INPP4A: variants seen among roughly 807,000 people sequenced by gnomAD.
INPP4A encodes inositol polyphosphate-4-phosphatase, type I, 107kD.
In INPP4A, 33 loss-of-function variants were observed where a neutral mutation model predicts 119.8. The ratio of observed to expected loss-of-function variants is 0.28; its 90% confidence interval spans 0.21 to 0.37. The LOEUF is 0.37. INPP4A is among the 10% of genes least tolerant of loss of function. The pLI is 1.00. For synonymous variants in INPP4A, 496 were observed against 500.7 expected (o/e 0.99, Z 0.12); for missense variants, 956 against 1,289.9 (o/e 0.74, Z 3.97).
At chr2:98,584,799 C>G (rs941718396) in intron 24 of INPP4A, among the ~76,000 whole-genome samples, 1 of 152,356 alleles carries the variant, frequency 6.6e-6, no homozygotes, top group Middle Eastern at 3.4e-3. Flanking sequence ...AGAAAAGAAA[C>G]TCAGTTGCTC....
chr2:98,588,826 T>C lies in INPP4A; in HGVS notation c.*1218T>C, dbSNP rs78634527. On this transcript the variant is annotated 3_prime_UTR_variant, in exon 25 of 25. Coordinates refer to ENST00000409851, the MANE Select transcript of INPP4A (RefSeq NM_001134225.2). ...TTTTATTGATTCTGTTTACGATGTT[T>C]ACATGTTCTTGAAAAGGTTGTAAAA... 3.7e-3 allele frequency: 816 copies of C among 219,212 alleles called. 6 individuals carry two copies. Among genetic ancestry groups the C allele is most frequent in the African/African-American group, 0.016 (732 of 44,652 alleles). The allele number at this position is 219,212 out of a possible 1,614,324, so 13.6% of individuals were successfully genotyped here.
intron 14 of INPP4A, among the ~76,000 whole-genome samples, chr2:98,553,217 CT>C (rs1360883792): frequency 6.6e-6 from 1 of 152,176 alleles, no homozygotes; most frequent in Non-Finnish European, 1.5e-5. Flanking sequence ...CACATGTGCC[CT>C]TCAGCAAGTC....
At chr2:98,555,165 G>A (rs1456737330) in intron 15 of INPP4A, among the ~76,000 whole-genome samples, 1 of 151,996 alleles carries the variant, frequency 6.6e-6, no homozygotes, top group Non-Finnish European at 1.5e-5. Flanking sequence ...CTCCCCTATC[G>A]AAATTTCTGT....
Position 98,566,555 on chromosome 2 carries a change from A to T in INPP4A, c.2420+386A>T, listed in dbSNP as rs1434167569. ...TTGGATGATGAGGTGGAGGGGAGACATGTCAGATTAAGAAGACTGAAGAAA... is the reference window on the plus strand; with the variant it reads ...TTGGATGATGAGGTGGAGGGGAGACTTGTCAGATTAAGAAGACTGAAGAAA... On this transcript the variant is annotated intron_variant, in intron 21 of 24. Transcript: ENST00000409851. This position sits in a 1 kb window ranked among gnomAD's most constrained non-coding sequence, Gnocchi z 4.2. Among the ~76,000 whole-genome samples, 1 of 152,154 alleles carries T rather than the reference A, an allele frequency of 6.6e-6. No individual in the cohort carries two copies. Among genetic ancestry groups the T allele is most frequent in the African/African-American group, 2.4e-5 (1 of 41,432 alleles).
rs1000722417 is a variant in INPP4A at position 98,589,640 on chromosome 2, T to G, written c.*2032T>G. 1.1e-5 allele frequency: 2 copies of G among 179,326 alleles called. No homozygotes were observed. The highest frequency in any genetic ancestry group is 2.4e-5 in the African/African-American group (1 of 42,326). The allele number at this position is 179,326 out of a possible 1,614,324, so 11.1% of individuals were successfully genotyped here. On this transcript the variant is annotated 3_prime_UTR_variant, in exon 25 of 25. Coordinates refer to ENST00000409851, the MANE Select transcript of INPP4A (RefSeq NM_001134225.2). ...GCTATAGAAAAGGTTCAGGTTTCAG[T>G]ATTCTCTCTGAAGGCATCATTCCTG...
chr2:98,557,842 C>G (rs1283319841), intron 16 of INPP4A, among the ~76,000 whole-genome samples: 1 of 152,230 alleles, frequency 6.6e-6, no homozygotes, highest in Non-Finnish European at 1.5e-5. Flanking sequence ...CTCCAAAAGT[C>G]TCCCATCCCC....
At chr2:98,524,846 G>A (rs1439618165) in intron 4 of INPP4A, among the ~76,000 whole-genome samples, 1 of 152,172 alleles carries the variant, frequency 6.6e-6, no homozygotes, top group East Asian at 1.9e-4. Context: ...CAAACTCAGG[G>A]TAGGCAAAGA....
intron 13 of INPP4A, among the ~76,000 whole-genome samples, chr2:98,552,243 G>T (rs1423980387): frequency 6.6e-6 from 1 of 152,220 alleles, no homozygotes; most frequent in African/African-American, 2.4e-5. Flanking sequence ...GGGACTTGCT[G>T]GGGTCAGACA....
chr2:98,465,083 T>C (rs1674464991), intron 1 of INPP4A, among the ~76,000 whole-genome samples: 1 of 152,224 alleles, frequency 6.6e-6, no homozygotes, highest in Non-Finnish European at 1.5e-5. Context: ...CCACTTCCCT[T>C]TTAATCCCTT....
chr2:98,558,594 T>C (rs1694902558), intron 16 of INPP4A, among the ~76,000 whole-genome samples: 1 of 152,180 alleles, frequency 6.6e-6, no homozygotes, highest in Non-Finnish European at 1.5e-5. Flanking sequence ...ATAAAGCTGG[T>C]TCTGGCTGTT....
intron 20 of INPP4A, 61 bp from the exon 21 acceptor site, chr2:98,565,968 T>G: frequency 1.2e-5 from 18 of 1,560,920 alleles, no homozygotes; most frequent in Non-Finnish European, 1.6e-5. Flanking sequence ...GCCTGGGCAC[T>G]GCAGCCTGCT....
intron 1 of INPP4A, among the ~76,000 whole-genome samples, chr2:98,488,839 G>A (rs890080877): frequency 9.2e-5 from 14 of 152,122 alleles, no homozygotes; most frequent in East Asian, 1.9e-4. Context: ...AGGGGGTGGA[G>A]TAGGGAGTGT....
rs113716489 is a variant in INPP4A, at chr2:98,548,173, G to A, written c.1163+1479G>A. Among the ~76,000 whole-genome samples, 578 of 152,290 alleles carry A rather than the reference G, an allele frequency of 3.8e-3. 7 individuals carry two copies. The highest frequency in any genetic ancestry group is 0.013 in the African/African-American group (556 of 41,554). Reference sequence around the variant, plus strand: ...CTGTGAGAAGTCACCATTCAGATACGTGCACAGGCTGCCTGGGTGGGCCCA... The same window carrying A: ...CTGTGAGAAGTCACCATTCAGATACATGCACAGGCTGCCTGGGTGGGCCCA... On this transcript the variant is annotated intron_variant, in intron 13 of 24. Transcript: ENST00000409851.
rs369138810 is a variant in INPP4A, at chr2:98,565,757, C to T, written c.2270C>T (p.Thr757Ile). ...TCCGCAGACATGCTGCCCGTCATCA[C>T]AGGAAATCGGTAGAGTGTTGGTTTA... Reference protein sequence around the residue: ...SASADMLPVITGNRDGFNVRV... With the variant: ...SASADMLPVIIGNRDGFNVRV... The change falls in exon 20 of 25, where the codon ACA becomes ATA. Residue 757 changes from threonine (T) to isoleucine (I), a missense_variant. Physicochemically the swap from Thr to Ile is moderately conservative, Grantham distance 89. This residue lies in a region of INPP4A where 304 missense variants were observed against 492.1 expected (regional missense o/e 0.62). Transcript: ENST00000409851. 25 of 1,611,792 alleles carry T rather than the reference C, an allele frequency of 1.6e-5. No homozygotes were observed. Among genetic ancestry groups the T allele is most frequent in the African/African-American group, 2.7e-5 (2 of 74,842 alleles).
chr2:98,452,885 T>G (rs1320136052), intron 1 of INPP4A, among the ~76,000 whole-genome samples: 1 of 152,142 alleles, frequency 6.6e-6, no homozygotes, highest in African/African-American at 2.4e-5. Flanking sequence ...ATTCCTGAAG[T>G]GTGTTCATTT....
At chr2:98,528,804 G>T (rs1281810769) in intron 4 of INPP4A, among the ~76,000 whole-genome samples, 6 of 152,150 alleles carry the variant, frequency 3.9e-5, no homozygotes, top group African/African-American at 1.2e-4. Flanking sequence ...TCGGCCAGGC[G>T]CAGTGGCTCA....
chr2:98,537,213 T>G (rs1690460298), intron 7 of INPP4A, among the ~76,000 whole-genome samples: 1 of 152,198 alleles, frequency 6.6e-6, no homozygotes, highest in South Asian at 2.1e-4. Context: ...TAGAACCTGA[T>G]TAAGTGAGAC....
At chr2:98,480,954 C>G (rs756223738) in intron 1 of INPP4A, among the ~76,000 whole-genome samples, 2 of 152,210 alleles carry the variant, frequency 1.3e-5, no homozygotes, top group Non-Finnish European at 2.9e-5. Context: ...TGCACGTGCT[C>G]CATTCTCACA....
At chr2:98,522,628 C>G (rs1472488045) in intron 4 of INPP4A, among the ~76,000 whole-genome samples, 1 of 151,914 alleles carries the variant, frequency 6.6e-6, no homozygotes, top group Admixed American at 6.6e-5. Flanking sequence ...GAGGAAATCT[C>G]CGAGAACTGA....
Sources: allele counts gnomAD v4.1 joint callset (sites outside exome capture counted in the v4.1 genomes callset), GRCh38; gene constraint gnomAD v4.1.1; regional missense constraint gnomAD v4.1.1; non-coding constraint Gnocchi (gnomAD v3.1); transcripts MANE v1.5; gene names NCBI Gene and HGNC (gene_info 2026-07-23, HGNC 2026-07-21).